The following TAMM41 variants were observed in gnomAD, a reference collection of about 807,000 sequenced individuals.
TAMM41 encodes the protein TAM41 mitochondrial translocator assembly and maintenance homolog.
In TAMM41, 36 loss-of-function variants were observed where a neutral mutation model predicts 44.1. The ratio of observed to expected loss-of-function variants is 0.82; its 90% CI spans 0.63 to 1.08. The LOEUF (loss-of-function observed/expected upper bound fraction) is 1.08, where lower values mean the gene tolerates loss of function less well. Ranked by LOEUF, TAMM41 falls within the 50% of genes least tolerant of loss-of-function variation. The pLI is 0.00. For missense variants in TAMM41, 417 were observed against 404.3 expected, an observed-to-expected ratio of 1.03 and a Z score of -0.27; for synonymous variants, 164 against 153.1, an observed-to-expected ratio of 1.07 and a Z score of -0.53.
At chr3:11,808,679 A>G (rs2077992339) in intron 6 of TAMM41, 9 of 931,958 alleles carry the variant, frequency 9.7e-6, no homozygotes, top group Non-Finnish European at 1.2e-5. Flanking sequence ...AATTACCTTT[A>G]GCACCTTAAA....
the TAMM41 span, among the ~76,000 whole-genome samples, chr3:11,724,082 T>C: frequency 6.6e-6 from 1 of 151,366 alleles, no homozygotes; most frequent in South Asian, 2.1e-4. Flanking sequence ...TTTTATTTTA[T>C]TTTTATATTT....
At chr3:11,842,967 T>C (rs2079518352) in intron 2 of TAMM41, among the ~76,000 whole-genome samples, 1 of 152,186 alleles carries the variant, frequency 6.6e-6, no homozygotes, top group African/African-American at 2.4e-5. Flanking sequence ...GAGACTGCGA[T>C]GCTTCAGCTG....
the TAMM41 span, among the ~76,000 whole-genome samples, chr3:11,760,936 G>A: frequency 2.0e-5 from 3 of 151,994 alleles, no homozygotes; most frequent in Non-Finnish European, 4.4e-5. Flanking sequence ...GGAGGCCGAG[G>A]TGGGCAGATC....
At chr3:11,788,487 C>CT (rs1369212516), downstream of TAMM41, among the ~76,000 whole-genome samples, 4 of 152,140 alleles carry the variant, frequency 2.6e-5, no homozygotes, top group Non-Finnish European at 5.9e-5. Context: ...TGTGCTCTCG[C>CT]TATGTTGCCC....
chr3:11,786,117 T>C (rs1162339290), downstream of TAMM41, among the ~76,000 whole-genome samples: 1 of 152,102 alleles, frequency 6.6e-6, no homozygotes, highest in Non-Finnish European at 1.5e-5. Flanking sequence ...GGTGTGGGCT[T>C]GTAGGTTCCA....
At chr3:11,767,626 ATTTTTTT>A in the TAMM41 span, among the ~76,000 whole-genome samples, 43 of 60,714 alleles carry the variant, frequency 7.1e-4, 5 homozygotes, top group African/African-American at 3.2e-3. Context: ...CACGTTGTGC[ATTTTTTT>A]TTTTTTTTTT....
chr3:11,844,929 G>A (rs1393324463), intron 1 of TAMM41: 1 of 456,620 alleles, frequency 2.2e-6, no homozygotes, highest in African/African-American at 2.0e-5. Flanking sequence ...GCACAGGAGG[G>A]AGAAATTCTC....
the TAMM41 span, among the ~76,000 whole-genome samples, chr3:11,733,000 G>GTTTTTTTTTT: frequency 1.2e-5 from 1 of 85,550 alleles, no homozygotes. Context: ...TTTTTTTTTT[G>GTTTTTTTTTT]TTTGTTTGTT....
the TAMM41 span, among the ~76,000 whole-genome samples, chr3:11,725,430 C>CCTCCTCCTCCTCCTT: frequency 1.8e-4 from 13 of 70,620 alleles, no homozygotes; most frequent in East Asian, 1.5e-3. Flanking sequence ...CTTCTTTCCT[C>CCTCCTCCTCCTCCTT]CTCCTCCTCC....
intron 7 of TAMM41, among the ~76,000 whole-genome samples, chr3:11,805,875 C>T (rs774884358): frequency 3.4e-4 from 52 of 152,346 alleles, no homozygotes; most frequent in Middle Eastern, 6.8e-3. Flanking sequence ...CCACCCAAAT[C>T]TTACCCTGAA....
intron 7 of TAMM41, among the ~76,000 whole-genome samples, chr3:11,793,696 T>C (rs1206707765): frequency 6.6e-6 from 1 of 152,178 alleles, no homozygotes; most frequent in Non-Finnish European, 1.5e-5. Context: ...AATCTCCCTA[T>C]GTTATAAATG....
chr3:11,770,150 C>T, the TAMM41 span, among the ~76,000 whole-genome samples: 10 of 152,202 alleles, frequency 6.6e-5, no homozygotes, highest in Admixed American at 3.9e-4. Flanking sequence ...AGCTGGAGAG[C>T]GAGAAGCAGG....
intron 4 of TAMM41, 34 bp from the exon 5 acceptor site, chr3:11,817,371 T>C: frequency 3.8e-6 from 6 of 1,588,336 alleles, no homozygotes; most frequent in Non-Finnish European, 5.2e-6. Context: ...ACATCTTCCA[T>C]TAAGAATCCA....
intron 1 of TAMM41, chr3:11,845,001 T>C (rs1172564708): frequency 2.2e-6 from 1 of 455,396 alleles, no homozygotes; most frequent in East Asian, 7.0e-5. Flanking sequence ...CTGGAAGCAC[T>C]GGGGGAAGCA....
chr3:11,793,106 G>A (rs967123799), intron 7 of TAMM41, among the ~76,000 whole-genome samples: 1 of 148,638 alleles, frequency 6.7e-6, no homozygotes, highest in African/African-American at 2.5e-5. Flanking sequence ...GACAAGCCAC[G>A]GAGTGGGGGA....
At chr3:11,827,358 G>A (rs1311410677) in intron 4 of TAMM41, among the ~76,000 whole-genome samples, 1 of 150,054 alleles carries the variant, frequency 6.7e-6, no homozygotes, top group Non-Finnish European at 1.5e-5. Flanking sequence ...CATCCAGGCT[G>A]GAGTGCACTG....
chr3:11,772,194 C>T, the TAMM41 span, among the ~76,000 whole-genome samples: 12 of 151,764 alleles, frequency 7.9e-5, no homozygotes, highest in African/African-American at 1.9e-4. Context: ...CCTCAGCCTC[C>T]GGACTAGCTG....
At chr3:11,835,625 T>A (rs2125047989) in intron 3 of TAMM41, among the ~76,000 whole-genome samples, 1 of 152,356 alleles carries the variant, frequency 6.6e-6, no homozygotes, top group Non-Finnish European at 1.5e-5. Context: ...CATTTCAGCT[T>A]TCTAAAGCCT....
chr3:11,757,166 GA>G, the TAMM41 span, among the ~76,000 whole-genome samples: 1 of 152,192 alleles, frequency 6.6e-6, no homozygotes. Context: ...TGTGTGCATA[GA>G]AATTACAGTC....
Sources: gnomAD v4.1 joint callset for allele counts (sites outside exome capture counted in the v4.1 genomes callset) on GRCh38, gnomAD v4.1.1 for gene constraint, MANE v1.5 for transcripts, NCBI Gene and HGNC (gene_info 2026-07-23, HGNC 2026-07-21) for gene names.